The following ACAD8 variants were observed in gnomAD, a reference collection of about 807,000 sequenced individuals.
The protein encoded by ACAD8 is isobutyryl-CoA dehydrogenase, mitochondrial.
ACAD8 carries 47 observed loss-of-function variants against 53.1 expected under a neutral mutation model. That is an observed-to-expected ratio of 0.89 (90% CI 0.70 to 1.13). ACAD8 has a LOEUF of 1.13. ACAD8 is among the 50% of genes most tolerant of loss of function. The pLI is 0.00. For missense variants in ACAD8, 494 were observed against 535.0 expected, an observed-to-expected ratio of 0.92 and a Z score of 0.76; for synonymous variants, 198 against 201.3, an observed-to-expected ratio of 0.98 and a Z score of 0.14.
chr11:134,255,928 CAG>C (rs1007806237), intron 1 of ACAD8, among the ~76,000 whole-genome samples: 4 of 152,224 alleles, frequency 2.6e-5, no homozygotes, highest in African/African-American at 7.2e-5. Flanking sequence ...TCTTTTGAAA[CAG>C]AGTCTTGCTC....
At position 134,264,919 on chromosome 11, in the gene ACAD8, G is replaced by C; in HGVS notation, c.1207G>C (p.Val403Leu). The C allele has an allele frequency of 1.2e-6, 2 of 1,614,200 alleles. No individual in the cohort carries two copies. The highest frequency in any genetic ancestry group is 1.7e-6 in the Non-Finnish European group (2 of 1,180,004). The change falls in exon 11 of 11, where the codon GTG (valine) becomes CTG (leucine). Residue 403 changes from valine to leucine, a missense_variant. Coordinates refer to ENST00000281182, the MANE Select transcript of ACAD8 (RefSeq NM_014384.3). ...CCTCCCTCTTACAGGTAGCAATGAAGTGATGAGGATACTGATCTCTAGAAG... is the reference window on the plus strand; with the variant it reads ...CCTCCCTCTTACAGGTAGCAATGAACTGATGAGGATACTGATCTCTAGAAG... ...VHQILEGSNE[V>L]MRILISRSLL...
At chr11:134,263,721 T>A (rs892467795) in intron 10 of ACAD8, 1 of 984,688 alleles carries the variant, frequency 1.0e-6, no homozygotes, top group African/African-American at 1.8e-5. Context: ...TCATTCTAAC[T>A]CTCTCTCCAC....
chr11:134,255,428 G>A (rs765322985), intron 1 of ACAD8, among the ~76,000 whole-genome samples: 7 of 152,154 alleles, frequency 4.6e-5, no homozygotes, highest in Non-Finnish European at 7.3e-5. Context: ...GAGCCACTGC[G>A]CCTGGCTGGA....
At position 134,262,921 on chromosome 11, in the gene ACAD8, G is replaced by A. The variant is rs375260006; in HGVS notation, c.1195+299G>A. The A allele has an allele frequency of 1.5e-4, 198 of 1,311,236 alleles. 1 individual carries two copies. Among genetic ancestry groups the A allele is most frequent in the East Asian group, 6.9e-4 (14 of 20,298 alleles). The allele number at this position is 1,311,236 out of a possible 1,614,324, so 81.2% of individuals were successfully genotyped here. A position where few individuals can be genotyped will look rare whatever the true frequency, so the allele number is the denominator to read the frequency against. On this transcript the variant is annotated intron_variant, in intron 10 of 10. Transcript: ENST00000281182. ...AGAAAGCATGTTGAAAACCACAGCC[G>A]GGGCTTTTCTCTAAGGTTATCGAGT...
At chr11:134,263,660 C>G (rs1341912691) in intron 10 of ACAD8, 13 of 982,048 alleles carry the variant, frequency 1.3e-5, no homozygotes, top group Non-Finnish European at 1.5e-5. Context: ...CCTTCCATTA[C>G]TCTTGGAATT....
At position 134,256,994 on chromosome 11, in the gene ACAD8, GCA is replaced by G. The variant is rs1939569521; in HGVS notation, c.211-93_211-92del. The G allele has an allele frequency of 5.4e-6, 7 of 1,290,546 alleles. No homozygotes were observed. The East Asian group carries it at 1.6e-4, about 30-fold the overall frequency. 79.9% of individuals were successfully genotyped at this position (1,290,546 alleles called of 1,614,324 possible). A position where few individuals can be genotyped will look rare whatever the true frequency, so the allele number is the denominator to read the frequency against. On this transcript the variant is annotated intron_variant, in intron 2 of 10. Transcript: ENST00000281182. ...ATATTAAGAGAATTCATACGCTGTCGCATGTGCAAGCCTCCTAATCCCTCACT... is the reference window on the plus strand; with the variant it reads ...ATATTAAGAGAATTCATACGCTGTCGTGTGCAAGCCTCCTAATCCCTCACT...
In ACAD8 at chr11:134,261,185, A is replaced by C. The variant is rs199738913; in HGVS notation, c.841+6A>C. 2.9e-5 allele frequency: 47 copies of C among 1,613,740 alleles called. No homozygotes were observed. The highest frequency in any genetic ancestry group is 1.5e-4 in the Admixed American group (9 of 59,970). On this transcript the variant is annotated splice_donor_region_variant and intron_variant, in intron 7 of 10. Transcript: ENST00000281182. This position sits in a 1 kb window ranked among gnomAD's most constrained non-coding sequence, Gnocchi z 4.2. ...CGGAGGGAGGATCAATATTGGTGAG[A>C]TACGCAGGGGTGTGGCAGGGAGGTA...
intron 5 of ACAD8, 114 bp downstream of exon 5, chr11:134,259,198 G>T: frequency 1.1e-6 from 1 of 921,316 alleles, no homozygotes; most frequent in East Asian, 2.5e-5. Context: ...TTTATGTGTT[G>T]GGAAGAGAAC....
chr11:134,253,970 C>T (rs904181680), intron 1 of ACAD8, among the ~76,000 whole-genome samples: 1 of 144,200 alleles, frequency 6.9e-6, no homozygotes, highest in Non-Finnish European at 1.5e-5. Flanking sequence ...ACCCCCGCCC[C>T]GGTCCTCCTC....
chr11:134,265,083 A>G lies in ACAD8; in HGVS notation c.*123A>G. On this transcript the variant is annotated 3_prime_UTR_variant, in exon 11 of 11. Coordinates refer to ENST00000281182, the MANE Select transcript of ACAD8 (RefSeq NM_014384.3). ...CCCAAGGGCTGAGCTCCTCTAGGGC[A>G]GGACCTGCACCCTGTGTGTTGGCAC... 2.8e-6 allele frequency: 3 copies of G among 1,061,592 alleles called. No homozygotes were observed. Among genetic ancestry groups the G allele is most frequent in the Non-Finnish European group, 4.4e-6 (3 of 685,246 alleles). 65.8% of individuals were successfully genotyped at this position (1,061,592 alleles called of 1,614,324 possible). A position where few individuals can be genotyped will look rare whatever the true frequency, so the allele number is the denominator to read the frequency against.
intron 1 of ACAD8, among the ~76,000 whole-genome samples, chr11:134,255,896 G>A (rs959118762): frequency 2.6e-5 from 4 of 152,056 alleles, no homozygotes; most frequent in Admixed American, 1.3e-4. Context: ...TCTTCCCATA[G>A]TGCTCTTTTT....
chr11:134,263,141 A>C (rs1485975288), intron 10 of ACAD8: 18 of 1,083,230 alleles, frequency 1.7e-5, no homozygotes, highest in Non-Finnish European at 2.0e-5. Flanking sequence ...TCTATCGAGG[A>C]AACATGGAAG....
rs517424 is a variant in ACAD8 at position 134,257,084 on chromosome 11, A to G, written c.211-4A>G. 17,718 of 1,614,122 alleles carry G rather than the reference A, an allele frequency of 0.011. 142 individuals are homozygous for G. The highest frequency in any genetic ancestry group is 0.012 in the Non-Finnish European group (14,426 of 1,180,004). ...CTGATCACCCTGCTCTCTTTTGTAC[A>G]TAGGAGCTGTTCCCAGTGGATGTGA... On this transcript the variant is annotated splice_polypyrimidine_tract_variant and splice_region_variant and intron_variant, in intron 2 of 10. Transcript: ENST00000281182.
chr11:134,256,476 G>A (rs1939532147), intron 1 of ACAD8, 72 bp from the exon 2 acceptor site: 1 of 1,230,330 alleles, frequency 8.1e-7, no homozygotes, highest in East Asian at 2.3e-5. Flanking sequence ...ACTTCGTGGT[G>A]CTTCTTGTTG....
Position 134,261,818 on chromosome 11 carries a change from G to T in ACAD8, c.1020G>T (p.Leu340=). The change falls in exon 9 of 11, where the codon CTG becomes CTT. Residue 340 remains leucine, a synonymous_variant. Transcript: ENST00000281182. The surrounding 1 kb of genome is among the most constrained non-coding windows in gnomAD (Gnocchi z 4.2). The part of the protein sequence containing the change: ...RLMVRNAAVA[L]QEERKDAVAL... ...TGGTCCGCAATGCAGCAGTGGCTCT[G>T]CAGGAGGAGAGGAAGGATGCAGTGG... The T allele has an allele frequency of 6.2e-7, 1 of 1,614,212 alleles. No individual in the cohort carries two copies.
At chr11:134,253,789 C>G (rs1018643242) in intron 1 of ACAD8, 80 bp downstream of exon 1, 1 of 1,383,634 alleles carries the variant, frequency 7.2e-7, no homozygotes, top group African/African-American at 1.4e-5. Context: ...GCAGTCTCCC[C>G]GTTCCATCCA....
At chr11:134,257,325 T>G (rs1939597215) in intron 3 of ACAD8, 68 bp downstream of exon 3, 10 of 1,579,068 alleles carry the variant, frequency 6.3e-6, no homozygotes, top group South Asian at 2.2e-5. Flanking sequence ...TTCAGATTCG[T>G]AGGAAAAAGA....
chr11:134,260,885 A>T, intron 6 of ACAD8, 159 bp from the exon 7 acceptor site: 1 of 752,188 alleles, frequency 1.3e-6, no homozygotes, highest in Non-Finnish European at 2.2e-6. Context: ...GAGTGCTGAC[A>T]GGCCTTTAAA....
At position 134,257,272 on chromosome 11, in the gene ACAD8, T is replaced by C. The variant is rs1399529970; in HGVS notation, c.380+15T>C. Reference sequence around the variant, plus strand: ...AGCATCCACAAGTGAGTGCCCAAGCTTGGAAGGCACAATGAAGTGCTCACT... The same window carrying C: ...AGCATCCACAAGTGAGTGCCCAAGCCTGGAAGGCACAATGAAGTGCTCACT... On this transcript the variant is annotated intron_variant, in intron 3 of 10. Coordinates refer to ENST00000281182, the MANE Select transcript of ACAD8 (RefSeq NM_014384.3). The C allele has an allele frequency of 5.6e-6, 9 of 1,614,002 alleles. No individual in the cohort carries two copies. The highest frequency in any genetic ancestry group is 7.6e-6 in the Non-Finnish European group (9 of 1,180,012).
Sources: allele counts gnomAD v4.1 joint callset (sites outside exome capture counted in the v4.1 genomes callset), GRCh38; gene constraint gnomAD v4.1.1; non-coding constraint Gnocchi (gnomAD v3.1); transcripts MANE v1.5; gene names NCBI Gene and HGNC (gene_info 2026-07-23, HGNC 2026-07-21).